The following GNG2 variants were observed in gnomAD, a reference collection of about 807,000 sequenced individuals.
GNG2 encodes G protein subunit gamma 2.
GNG2 carries 5 observed loss-of-function variants against 5.5 expected under a neutral mutation model. The observed-to-expected ratio is 0.91, with a 90% CI of 0.48 to 1.92. The LOEUF (loss-of-function observed/expected upper bound fraction) is 1.92, where lower values mean the gene tolerates loss of function less well. GNG2 is among the 30% of genes most tolerant of loss of function. GNG2 has a pLI of 0.01. For synonymous variants in GNG2, 28 were observed against 32.0 expected (o/e 0.88, Z 0.42); for missense variants, 55 against 88.4 (o/e 0.62, Z 1.52).
At chr14:51,834,525 C>T (rs1237109531) in intron 2 of GNG2, among the ~76,000 whole-genome samples, 1 of 152,208 alleles carries the variant, frequency 6.6e-6, no homozygotes, top group Non-Finnish European at 1.5e-5. Context: ...ATGTTATTCC[C>T]TCCAGAGAAT....
intron 3 of GNG2, among the ~76,000 whole-genome samples, chr14:51,963,077 C>A (rs1041806009): frequency 2.6e-5 from 4 of 152,210 alleles, no homozygotes; most frequent in Non-Finnish European, 5.9e-5. Flanking sequence ...GTGGTTAGCA[C>A]AGTTCTGACA....
intron 2 of GNG2, among the ~76,000 whole-genome samples, chr14:51,893,421 T>C (rs1412887171): frequency 1.3e-5 from 2 of 152,182 alleles, no homozygotes; most frequent in Admixed American, 6.5e-5. Context: ...CCTTTGCCCA[T>C]GTTTTTATAA....
chr14:51,926,847 G>A (rs1028781279), intron 2 of GNG2, among the ~76,000 whole-genome samples: 1 of 152,132 alleles, frequency 6.6e-6, no homozygotes, highest in Non-Finnish European at 1.5e-5. Flanking sequence ...ATGGTTGTGT[G>A]ACAAGGACCC....
intron 1 of GNG2, among the ~76,000 whole-genome samples, chr14:51,876,139 C>T (rs1023107172): frequency 1.3e-5 from 2 of 151,982 alleles, no homozygotes; most frequent in Non-Finnish European, 2.9e-5. Flanking sequence ...ATGTCTCGCT[C>T]TGTTGCCCAG....
intron 3 of GNG2, 125 bp downstream of exon 3, chr14:51,950,890 G>C: frequency 2.1e-6 from 1 of 480,738 alleles, no homozygotes; most frequent in Middle Eastern, 3.2e-4. Context: ...TTAGGCAGAA[G>C]TTCATTTCTA....
At chr14:51,936,889 A>G (rs1271194953) in intron 2 of GNG2, among the ~76,000 whole-genome samples, 2 of 152,166 alleles carry the variant, frequency 1.3e-5, no homozygotes, top group Admixed American at 1.3e-4. Flanking sequence ...ACTGACTTTA[A>G]AAAATAATAT....
chr14:51,859,211 TTTG>T (rs1231171692), upstream of GNG2, among the ~76,000 whole-genome samples: 8 of 152,292 alleles, frequency 5.3e-5, no homozygotes, highest in South Asian at 8.3e-4. Flanking sequence ...AGAGGTGTTT[TTTG>T]TTGTTGTTGT....
rs1035743210 is a variant in GNG2, at chr14:51,827,144, G to A, written c.-76-524G>A. Among the ~76,000 whole-genome samples the A allele has an allele frequency of 2.0e-5, 3 of 152,144 alleles. No individual in the cohort carries two copies. In the South Asian group the frequency reaches 6.2e-4, roughly 32 times the overall value. On this transcript the variant is annotated intron_variant, in intron 1 of 3. Transcript: ENST00000553432. ...CTGGGGATCTTTTAAAAGTTCCAAA[G>A]CCCAAGCCACATCCCAGGTGAATTA...
intron 2 of GNG2, among the ~76,000 whole-genome samples, chr14:51,920,971 G>C (rs566521232): frequency 6.6e-6 from 1 of 152,256 alleles, no homozygotes; most frequent in African/African-American, 2.4e-5. Context: ...TGCAAACATT[G>C]CCAAGAACTC....
At chr14:51,851,748 T>C (rs1482892257) in intron 2 of GNG2, among the ~76,000 whole-genome samples, 1 of 152,230 alleles carries the variant, frequency 6.6e-6, no homozygotes, top group African/African-American at 2.4e-5. Flanking sequence ...TTTAATTTCT[T>C]CTTTAAAATC....
At chr14:51,913,944 T>C (rs1886449292) in intron 2 of GNG2, among the ~76,000 whole-genome samples, 2 of 152,258 alleles carry the variant, frequency 1.3e-5, no homozygotes, top group Non-Finnish European at 2.9e-5. Context: ...ACCTTTTTCA[T>C]ACATATGTTT....
chr14:51,897,620 G>A (rs1281838216), intron 2 of GNG2, among the ~76,000 whole-genome samples: 3 of 152,182 alleles, frequency 2.0e-5, no homozygotes, highest in Non-Finnish European at 4.4e-5. Context: ...TTGCTTTCCA[G>A]GGACATAAGC....
At chr14:51,950,606 T>C in intron 2 of GNG2, 44 bp from the exon 3 acceptor site, 1 of 1,203,866 alleles carries the variant, frequency 8.3e-7, no homozygotes, top group Non-Finnish European at 1.2e-6. Flanking sequence ...ATTTGCTGGC[T>C]CATGAATTCT....
chr14:51,859,466 A>T (rs541974305), upstream of GNG2, among the ~76,000 whole-genome samples: 39 of 152,328 alleles, frequency 2.6e-4, no homozygotes, highest in African/African-American at 8.9e-4. Flanking sequence ...TCACTTGCTG[A>T]ATGTGAGGCC....
At chr14:51,904,434 A>G (rs1488111497) in intron 2 of GNG2, among the ~76,000 whole-genome samples, 2 of 152,178 alleles carry the variant, frequency 1.3e-5, no homozygotes, top group Non-Finnish European at 2.9e-5. Context: ...CATCTTGCAT[A>G]GGATGTGTTA....
At chr14:51,935,617 T>A (rs1887947206) in intron 2 of GNG2, among the ~76,000 whole-genome samples, 1 of 152,156 alleles carries the variant, frequency 6.6e-6, no homozygotes, top group Non-Finnish European at 1.5e-5. Context: ...AAACCTGGGT[T>A]TAAGTCCTTT....
chr14:51,843,588 A>AC (rs11371459), intron 2 of GNG2, among the ~76,000 whole-genome samples: 114,620 of 150,816 alleles, frequency 0.76, 44,240 homozygotes, highest in East Asian at 0.85. Flanking sequence ...AAAAAAAAAA[A>AC]AAACTCAAAT....
chr14:51,932,831 T>C (rs1887745323), intron 2 of GNG2, among the ~76,000 whole-genome samples: 1 of 151,664 alleles, frequency 6.6e-6, no homozygotes, highest in Non-Finnish European at 1.5e-5. Context: ...GGAAAAAGGA[T>C]GTTTGCAGAT....
intron 1 of GNG2, among the ~76,000 whole-genome samples, chr14:51,826,901 A>G (rs1418325759): frequency 6.6e-6 from 1 of 152,236 alleles, no homozygotes; most frequent in African/African-American, 2.4e-5. Context: ...TGAGATGGCT[A>G]TGAGGTTTTC....
Sources: gnomAD v4.1 joint callset for allele counts (sites outside exome capture counted in the v4.1 genomes callset) on GRCh38, gnomAD v4.1.1 for gene constraint, MANE v1.5 for transcripts, NCBI Gene and HGNC (gene_info 2026-07-23, HGNC 2026-07-21) for gene names.